The following CSNK2A2 variants were observed in gnomAD, a reference collection of about 807,000 sequenced individuals.
The protein encoded by CSNK2A2 is casein kinase II subunit alpha'.
In CSNK2A2, 8 loss-of-function variants were observed where a neutral mutation model predicts 54.0. The ratio of observed to expected loss-of-function variants is 0.15; its 90% CI spans 0.09 to 0.27. CSNK2A2 has a LOEUF of 0.27. CSNK2A2 is among the 10% of genes least tolerant of loss of function. The pLI is 1.00. For missense variants in CSNK2A2, 242 were observed against 439.4 expected (o/e 0.55, Z 4.02); for synonymous variants, 141 against 153.9 (o/e 0.92, Z 0.62).
At chr16:58,172,770 G>A (rs1431446849) in intron 5 of CSNK2A2, among the ~76,000 whole-genome samples, 2 of 152,220 alleles carry the variant, frequency 1.3e-5, no homozygotes, top group Non-Finnish European at 2.9e-5. Flanking sequence ...CATTAAGCAT[G>A]AATGACGTTT....
intron 2 of CSNK2A2, among the ~76,000 whole-genome samples, chr16:58,191,712 G>A (rs1277775745): frequency 6.6e-6 from 1 of 152,112 alleles, no homozygotes; most frequent in African/African-American, 2.4e-5. Flanking sequence ...AAGGCATAGA[G>A]CAGACCCTTT....
At chr16:58,176,106 T>G (rs1961871144) in intron 4 of CSNK2A2, among the ~76,000 whole-genome samples, 1 of 152,226 alleles carries the variant, frequency 6.6e-6, no homozygotes, top group Non-Finnish European at 1.5e-5. Flanking sequence ...CAGCTCCTCC[T>G]CTGTGAGTTA....
In CSNK2A2 at chr16:58,179,853, G is replaced by T. The variant is rs767805047; in HGVS notation, c.369+4407C>A. Among the ~76,000 whole-genome samples the T allele has an allele frequency of 2.0e-5, 3 of 152,244 alleles. 1 individual carries two copies. The South Asian group carries it at 6.2e-4, about 32-fold the overall frequency. On this transcript the variant is annotated intron_variant, in intron 4 of 11. Coordinates refer to ENST00000262506, the MANE Select transcript of CSNK2A2 (RefSeq NM_001896.4). ...CCAGCACTTTGGGAGGCCAAGGCGG[G>T]TGGGTCATGAGTTCAGCAGTTCAAG...
intron 4 of CSNK2A2, among the ~76,000 whole-genome samples, chr16:58,177,883 G>A (rs894509226): frequency 6.6e-6 from 1 of 152,168 alleles, no homozygotes; most frequent in Non-Finnish European, 1.5e-5. Flanking sequence ...GAATAAAACC[G>A]AGGTCAACGT....
intron 5 of CSNK2A2, 95 bp from the exon 6 acceptor site, chr16:58,168,788 TAC>T (rs1961644605): frequency 2.1e-6 from 2 of 959,716 alleles, no homozygotes; most frequent in African/African-American, 1.6e-5. Flanking sequence ...TTGACTTGAA[TAC>T]AGTCCCCCAA....
chr16:58,173,644 C>T (rs1597114849), intron 5 of CSNK2A2, among the ~76,000 whole-genome samples: 1 of 152,160 alleles, frequency 6.6e-6, no homozygotes, highest in Admixed American at 6.5e-5. Flanking sequence ...TAACGAGCCA[C>T]GGCTACAGGG....
chr16:58,186,615 T>C (rs1310389079), intron 3 of CSNK2A2, 140 bp downstream of exon 3: 2 of 578,400 alleles, frequency 3.5e-6, no homozygotes, highest in Admixed American at 3.5e-5. Context: ...ATGATTTTTT[T>C]CTGGTTTTCA....
At chr16:58,193,031 T>A (rs1370027506) in intron 2 of CSNK2A2, 1 of 152,276 alleles carries the variant, frequency 6.6e-6, no homozygotes, top group African/African-American at 2.4e-5. Flanking sequence ...ATTTTTAACA[T>A]TATTTTTAAT....
intron 9 of CSNK2A2, among the ~76,000 whole-genome samples, chr16:58,166,353 TATG>T (rs539658953): frequency 4.5e-4 from 68 of 152,362 alleles, no homozygotes; most frequent in Non-Finnish European, 4.6e-4. Flanking sequence ...TCTATAACAT[TATG>T]ATTTTTGTTT....
intron 2 of CSNK2A2, among the ~76,000 whole-genome samples, chr16:58,193,607 A>T (rs764282312): frequency 9.3e-5 from 14 of 150,552 alleles, no homozygotes; most frequent in Non-Finnish European, 1.6e-4. Flanking sequence ...GGACCCCAAG[A>T]AGTACTGAAA....
chr16:58,188,131 C>T (rs1398369766), intron 2 of CSNK2A2, among the ~76,000 whole-genome samples: 1 of 152,110 alleles, frequency 6.6e-6, no homozygotes, highest in Non-Finnish European at 1.5e-5. Flanking sequence ...GCTTTGAACA[C>T]ATAACAAAAC....
chr16:58,172,196 C>T (rs1961764594), intron 5 of CSNK2A2, among the ~76,000 whole-genome samples: 1 of 150,482 alleles, frequency 6.6e-6, no homozygotes, highest in Non-Finnish European at 1.5e-5. Flanking sequence ...TACTGGATAT[C>T]ATCGTCCTGT....
chr16:58,176,069 TA>T (rs1263411824), intron 4 of CSNK2A2, among the ~76,000 whole-genome samples: 1 of 152,194 alleles, frequency 6.6e-6, no homozygotes, highest in East Asian at 1.9e-4. Context: ...AAGACAGGCT[TA>T]AGATGCCATC....
Position 58,197,618 on chromosome 16 carries a change from C to T in CSNK2A2, c.104+15G>A. 1.3e-6 allele frequency: 2 copies of T among 1,523,316 alleles called. No individual in the cohort carries two copies. The highest frequency in any genetic ancestry group is 8.9e-7 in the Non-Finnish European group (1 of 1,129,064). The allele number at this position is 1,523,316 out of a possible 1,614,324, so 94.4% of individuals were successfully genotyped here. ...AGGGATCAGCGGGCCCGGCGGGGGG[C>T]GGCGACGGCTTTACCCCCAGCTCGG... On this transcript the variant is annotated intron_variant, in intron 1 of 11. Coordinates refer to ENST00000262506, the MANE Select transcript of CSNK2A2 (RefSeq NM_001896.4). This position sits in a 1 kb window ranked among gnomAD's most constrained non-coding sequence, Gnocchi z 4.0.
At chr16:58,192,220 C>T (rs2731757) in intron 2 of CSNK2A2, among the ~76,000 whole-genome samples, 88,492 of 151,866 alleles carry the variant, frequency 0.58, 26,009 homozygotes, top group East Asian at 0.8. Context: ...ACAGCACTTC[C>T]TACACTACAC....
Position 58,197,542 on chromosome 16 carries a change from G to T in CSNK2A2, c.104+91C>A. Reference sequence around the variant, plus strand: ...TGCGGGCCCGCGGAGGGGTCGGCGGGAGACACCACCGGGCCCGAGTGCGGT... The same window carrying T: ...TGCGGGCCCGCGGAGGGGTCGGCGGTAGACACCACCGGGCCCGAGTGCGGT... On this transcript the variant is annotated intron_variant, in intron 1 of 11. Coordinates refer to ENST00000262506, the MANE Select transcript of CSNK2A2 (RefSeq NM_001896.4). The surrounding 1 kb of genome is among the most constrained non-coding windows in gnomAD (Gnocchi z 4.0). 1.3e-6 allele frequency: 1 copy of T among 763,560 alleles called. No homozygotes were observed. Among genetic ancestry groups the T allele is most frequent in the East Asian group, 3.8e-5 (1 of 26,600 alleles). The allele number at this position is 763,560 out of a possible 1,614,324, so 47.3% of individuals were successfully genotyped here. A position where few individuals can be genotyped will look rare whatever the true frequency, so the allele number is the denominator to read the frequency against.
At position 58,197,882 on chromosome 16, in the gene CSNK2A2, AGGCCGGGCCCGCGGG is replaced by A. The variant is rs1364430242; in HGVS notation, c.-161_-147del. 2.3e-5 allele frequency: 2 copies of A among 87,160 alleles called. No individual in the cohort carries two copies. Among genetic ancestry groups the A allele is most frequent in the African/African-American group, 4.3e-5 (1 of 23,018 alleles). The allele number at this position is 87,160 out of a possible 1,614,324, so 5.4% of individuals were successfully genotyped here. On this transcript the variant is annotated 5_prime_UTR_variant, in exon 1 of 12. Transcript: ENST00000262506. The surrounding 1 kb of genome is among the most constrained non-coding windows in gnomAD (Gnocchi z 4.0). ...GAGCGCGGCGGCGGGCGGCCGCGCC[AGGCCGGGCCCGCGGG>A]GGCGGGCGGGCTGGGGGCGCGGGGG...
intron 2 of CSNK2A2, among the ~76,000 whole-genome samples, chr16:58,191,372 T>A (rs1962317256): frequency 6.6e-6 from 1 of 151,392 alleles, no homozygotes; most frequent in Non-Finnish European, 1.5e-5. Flanking sequence ...TTTTATTTTA[T>A]TTTTTTTTAG....
In CSNK2A2 at chr16:58,166,652, T is replaced by C. The variant is rs1440466543; in HGVS notation, c.759A>G (p.Glu253=). 3 of 1,613,940 alleles carry C rather than the reference T, an allele frequency of 1.9e-6. No homozygotes were observed. The highest frequency in any genetic ancestry group is 2.2e-5 in the East Asian group (1 of 44,880). ...ACTTCTTCAGATACCCATACAGTTCTTCTGTACCCAGAACCTTGGCAATGC... is the reference window on the plus strand; with the variant it reads ...ACTTCTTCAGATACCCATACAGTTCCTCTGTACCCAGAACCTTGGCAATGC... ...LVRIAKVLGT[E]ELYGYLKKYH... The change falls in exon 9 of 12, where the codon GAA becomes GAG. Residue 253 remains glutamate, a synonymous_variant. Coordinates refer to ENST00000262506, the MANE Select transcript of CSNK2A2 (RefSeq NM_001896.4).
Sources: allele counts gnomAD v4.1 joint callset (sites outside exome capture counted in the v4.1 genomes callset), GRCh38; gene constraint gnomAD v4.1.1; non-coding constraint Gnocchi (gnomAD v3.1); transcripts MANE v1.5; gene names NCBI Gene and HGNC (gene_info 2026-07-23, HGNC 2026-07-21).